The following PHACTR1 variants were observed in gnomAD, a reference collection of about 807,000 sequenced individuals.
PHACTR1 encodes the protein phosphatase and actin regulator 1, also known as RPEL repeat containing 1.
PHACTR1 carries 16 observed loss-of-function variants against 69.2 expected under a neutral mutation model. The observed-to-expected ratio is 0.23, with a 90% CI of 0.16 to 0.35. PHACTR1 has a LOEUF of 0.35. PHACTR1 is among the 10% of genes least tolerant of loss of function. PHACTR1 has a pLI of 1.00. For synonymous variants in PHACTR1, 312 were observed against 284.5 expected (o/e 1.10, Z -0.97); for missense variants, 510 against 734.7 (o/e 0.69, Z 3.54).
At chr6:13,194,695 G>A (rs1056503049) in intron 7 of PHACTR1, among the ~76,000 whole-genome samples, 1 of 152,066 alleles carries the variant, frequency 6.6e-6, no homozygotes, top group Non-Finnish European at 1.5e-5. Context: ...GTAAGGTGAT[G>A]GATTTGTTAA....
chr6:12,888,641 G>A (rs1409732138), intron 4 of PHACTR1, among the ~76,000 whole-genome samples: 1 of 151,966 alleles, frequency 6.6e-6, no homozygotes, highest in Non-Finnish European at 1.5e-5. Flanking sequence ...TAAATGTTTT[G>A]CACTCTAAGA....
chr6:12,819,085 C>T (rs896062263), intron 4 of PHACTR1, among the ~76,000 whole-genome samples: 2 of 152,196 alleles, frequency 1.3e-5, no homozygotes, highest in African/African-American at 4.8e-5. Flanking sequence ...AAACCATGAA[C>T]ACTGGGCATT....
At chr6:12,751,111 T>G (rs929468676) in intron 4 of PHACTR1, among the ~76,000 whole-genome samples, 2 of 152,210 alleles carry the variant, frequency 1.3e-5, no homozygotes, top group African/African-American at 4.8e-5. Flanking sequence ...AAAAACAAGA[T>G]GCACTGACTA....
At chr6:12,866,532 TA>T (rs1440570254) in intron 4 of PHACTR1, among the ~76,000 whole-genome samples, 3 of 152,050 alleles carry the variant, frequency 2.0e-5, no homozygotes, top group African/African-American at 7.3e-5. Flanking sequence ...TTTTTTTTTT[TA>T]TGTCAGAAAG....
chr6:13,071,155 A>G (rs1438149196), intron 5 of PHACTR1, among the ~76,000 whole-genome samples: 5 of 152,130 alleles, frequency 3.3e-5, no homozygotes, highest in Admixed American at 3.3e-4. Context: ...TGCCGGGTGC[A>G]GTGGCTCGTG....
At chr6:12,813,881 C>T (rs541990101) in intron 4 of PHACTR1, among the ~76,000 whole-genome samples, 1 of 152,336 alleles carries the variant, frequency 6.6e-6, no homozygotes, top group African/African-American at 2.4e-5. Flanking sequence ...GCTAGGAACA[C>T]AGGATCTCAG....
At chr6:12,894,445 A>C (rs1171510891) in intron 4 of PHACTR1, among the ~76,000 whole-genome samples, 1 of 152,164 alleles carries the variant, frequency 6.6e-6, no homozygotes, top group Non-Finnish European at 1.5e-5. Context: ...TCTCTACTAA[A>C]AACACAAAAA....
chr6:13,019,995 GCTAC>G (rs1800735684), intron 4 of PHACTR1, among the ~76,000 whole-genome samples: 1 of 152,174 alleles, frequency 6.6e-6, no homozygotes, highest in African/African-American at 2.4e-5. Context: ...TGGTGGACAG[GCTAC>G]CTGTGCCAGG....
chr6:13,182,910 C>T (rs1762377483), intron 7 of PHACTR1, among the ~76,000 whole-genome samples: 1 of 152,146 alleles, frequency 6.6e-6, no homozygotes, highest in Non-Finnish European at 1.5e-5. Context: ...CTCTTTACTA[C>T]CTTAATCTCT....
At chr6:13,024,255 C>A (rs1023032593) in intron 4 of PHACTR1, among the ~76,000 whole-genome samples, 1 of 152,158 alleles carries the variant, frequency 6.6e-6, no homozygotes, top group Non-Finnish European at 1.5e-5. Context: ...AATTAGGGAC[C>A]ATCCCTCTCT....
At chr6:12,740,794 C>T (rs747582287) in intron 3 of PHACTR1, among the ~76,000 whole-genome samples, 1 of 151,780 alleles carries the variant, frequency 6.6e-6, no homozygotes, top group Non-Finnish European at 1.5e-5. Flanking sequence ...CAGAAAGATG[C>T]TTGTAATATT....
In PHACTR1 at chr6:12,933,921, G is replaced by A. The variant is rs1164230232; in HGVS notation, c.251-119444G>A. 1.9e-6 allele frequency: 3 copies of A among 1,609,386 alleles called. No homozygotes were observed. In the Admixed American group the frequency reaches 5.0e-5, roughly 27 times the overall value. ...GACATTTACTCTTTGGTCCATATGGGAAGGGAAAATGCGGGTTGGCGTGTG... is the reference window on the plus strand; with the variant it reads ...GACATTTACTCTTTGGTCCATATGGAAAGGGAAAATGCGGGTTGGCGTGTG... On this transcript the variant is annotated intron_variant, in intron 4 of 14. Coordinates refer to ENST00000332995, the MANE Select transcript of PHACTR1 (RefSeq NM_030948.6).
At position 12,735,858 on chromosome 6, in the gene PHACTR1, T is replaced by TA. The variant is rs907387636; in HGVS notation, c.104-13783dup. Among the ~76,000 whole-genome samples, 81 of 152,230 alleles carry TA rather than the reference T, an allele frequency of 5.3e-4. 1 individual carries two copies. Among genetic ancestry groups the TA allele is most frequent in the African/African-American group, 1.8e-3 (76 of 41,546 alleles). On this transcript the variant is annotated intron_variant, in intron 3 of 14. Transcript: ENST00000332995. ...ATGTATCCCTGAAGCTGTGCAACATTAAAGACCTAAGTTGGGGCCCAGAGG... is the reference window on the plus strand; with the variant it reads ...ATGTATCCCTGAAGCTGTGCAACATTAAAAGACCTAAGTTGGGGCCCAGAGG...
chr6:12,904,113 A>C (rs1785474837), intron 4 of PHACTR1, among the ~76,000 whole-genome samples: 1 of 152,228 alleles, frequency 6.6e-6, no homozygotes, highest in African/African-American at 2.4e-5. Flanking sequence ...CAGCATCTGG[A>C]ACAGAGAAGA....
intron 4 of PHACTR1, among the ~76,000 whole-genome samples, chr6:13,029,430 G>A (rs533482285): frequency 6.6e-6 from 1 of 152,292 alleles, no homozygotes; most frequent in African/African-American, 2.4e-5. Flanking sequence ...ATGTGGGGCT[G>A]AGCAAGCTAT....
chr6:13,185,551 A>G (rs2113742245), intron 7 of PHACTR1, among the ~76,000 whole-genome samples: 1 of 152,158 alleles, frequency 6.6e-6, no homozygotes, highest in South Asian at 2.1e-4. Context: ...TTCTAAAATG[A>G]TTGCACACGT....
At chr6:13,176,194 G>A (rs914539095) in intron 6 of PHACTR1, among the ~76,000 whole-genome samples, 3 of 152,122 alleles carry the variant, frequency 2.0e-5, no homozygotes, top group African/African-American at 7.2e-5. Flanking sequence ...AAAAATAAAT[G>A]TAAGCATCTT....
intron 3 of PHACTR1, among the ~76,000 whole-genome samples, chr6:12,745,149 T>C (rs1339761893): frequency 6.6e-6 from 1 of 152,090 alleles, no homozygotes; most frequent in Admixed American, 6.5e-5. Context: ...CTTGAAAAAT[T>C]TTCTTAATGG....
intron 4 of PHACTR1, among the ~76,000 whole-genome samples, chr6:12,863,102 G>A (rs899951061): frequency 6.6e-6 from 1 of 152,242 alleles, no homozygotes; most frequent in Non-Finnish European, 1.5e-5. Flanking sequence ...ATTGTCAGCA[G>A]CATTTGCTAA....
Sources: gnomAD v4.1 joint callset for allele counts (sites outside exome capture counted in the v4.1 genomes callset) on GRCh38, gnomAD v4.1.1 for gene constraint, MANE v1.5 for transcripts, NCBI Gene and HGNC (gene_info 2026-07-23, HGNC 2026-07-21) for gene names.